Variants in FAAH2 observed in about 807,000 individuals in gnomAD.
FAAH2 encodes fatty-acid amide hydrolase 2.
A neutral mutation model predicts 36.9 loss-of-function variants in FAAH2; 60 were observed. That is an observed-to-expected ratio of 1.63 (90% CI 1.32 to 2.02). FAAH2 has a LOEUF of 2.02. Among genes scored for constraint, FAAH2 ranks in the 30% most tolerant of loss-of-function variants. The pLI, the probability that FAAH2 is intolerant of heterozygous loss-of-function variation, is 0.00. For synonymous variants in FAAH2, 214 were observed against 143.8 expected (o/e 1.49, Z -3.49); for missense variants, 689 against 397.5 (o/e 1.73, Z -6.23).
chrX:57,465,204 A>G (rs1226603017), intron 10 of FAAH2, among the ~76,000 whole-genome samples: 1 of 111,819 alleles, frequency 8.9e-6, no homozygotes, highest in African/African-American at 3.2e-5. Context: ...ATTTAATCTA[A>G]TGAACAGAGA....
chrX:57,123,150 C>T, the FAAH2 span, among the ~76,000 whole-genome samples: 2 of 111,168 alleles, frequency 1.8e-5, no homozygotes, highest in South Asian at 7.7e-4. Flanking sequence ...TATCCCTCTC[C>T]CCTACCCCCA....
intron 7 of FAAH2, among the ~76,000 whole-genome samples, chrX:57,430,098 G>T (rs1386280989): frequency 9.0e-6 from 1 of 111,432 alleles, no homozygotes; most frequent in Non-Finnish European, 1.9e-5. Flanking sequence ...ACATTATTAG[G>T]TTGATGGCTA....
chrX:57,403,335 C>T (rs913053674), intron 7 of FAAH2, among the ~76,000 whole-genome samples: 10 of 112,443 alleles, frequency 8.9e-5, no homozygotes, highest in Admixed American at 2.8e-4. Context: ...GGATTAGTTA[C>T]GCTCACTGAT....
At chrX:57,461,518 C>T (rs1239944420) in intron 10 of FAAH2, among the ~76,000 whole-genome samples, 1 of 111,615 alleles carries the variant, frequency 9.0e-6, no homozygotes, top group African/African-American at 3.3e-5. Context: ...CACACAACTA[C>T]ATGGAAACTC....
Position 57,389,956 on chromosome X carries a change from T to A in FAAH2, c.996+8927T>A, listed in dbSNP as rs1433825056. On this transcript the variant is annotated intron_variant, in intron 7 of 10. Coordinates refer to ENST00000374900, the MANE Select transcript of FAAH2 (RefSeq NM_174912.4). ...CTGATGATTAGTGTTGTTGATTTTTTTTTTTCATATACCTAGGGGCCAGTT... is the reference window on the plus strand; with the variant it reads ...CTGATGATTAGTGTTGTTGATTTTTATTTTTCATATACCTAGGGGCCAGTT... 3.6e-5 allele frequency among the ~76,000 whole-genome samples: 4 copies of A among 110,773 alleles called. No individual in the cohort carries two copies. In the East Asian group the frequency reaches 1.1e-3, roughly 31 times the overall value.
At chrX:57,171,655 A>G in the FAAH2 span, among the ~76,000 whole-genome samples, 32 of 111,328 alleles carry the variant, frequency 2.9e-4, no homozygotes, top group East Asian at 8.4e-3. Flanking sequence ...TAGATTCTGG[A>G]TATTAGTCTT....
At chrX:57,335,267 G>A (rs2053515440) in intron 4 of FAAH2, among the ~76,000 whole-genome samples, 1 of 111,043 alleles carries the variant, frequency 9.0e-6, no homozygotes, top group Non-Finnish European at 1.9e-5. Context: ...TATAGAGAAA[G>A]AAAAATAAGA....
At chrX:57,443,351 A>T (rs906000268) in intron 8 of FAAH2, among the ~76,000 whole-genome samples, 33 of 111,398 alleles carry the variant, frequency 3.0e-4, no homozygotes, top group Non-Finnish European at 5.6e-4. Context: ...GCTTCATTTC[A>T]TTCATTTCAA....
At chrX:57,332,949 C>T (rs2053447493) in intron 4 of FAAH2, among the ~76,000 whole-genome samples, 1 of 111,623 alleles carries the variant, frequency 9.0e-6, no homozygotes, top group Non-Finnish European at 1.9e-5. Flanking sequence ...CTCTAGGTTT[C>T]CTGTCCTACT....
chrX:57,440,193 G>C (rs753203960), intron 8 of FAAH2, among the ~76,000 whole-genome samples: 3 of 111,512 alleles, frequency 2.7e-5, no homozygotes, highest in Admixed American at 9.6e-5. Context: ...ACCTTGGGCA[G>C]TATGACCATT....
At chrX:57,481,660 G>T (rs1413180638) in intron 10 of FAAH2, among the ~76,000 whole-genome samples, 1 of 111,792 alleles carries the variant, frequency 8.9e-6, no homozygotes, top group Non-Finnish European at 1.9e-5. Context: ...GAGCTGTCTT[G>T]TATGAAGTGT....
At chrX:57,296,355 C>A (rs192395694) in intron 2 of FAAH2, among the ~76,000 whole-genome samples, 264 of 111,854 alleles carry the variant, frequency 2.4e-3, no homozygotes, top group Middle Eastern at 9.3e-3. Context: ...CTGCAGTGGA[C>A]CTCCAGTAAA....
chrX:57,158,505 A>G, the FAAH2 span, among the ~76,000 whole-genome samples: 1 of 111,499 alleles, frequency 9.0e-6, no homozygotes, highest in Non-Finnish European at 1.9e-5. Context: ...CCTCTCCAGC[A>G]CCTGTTGTTT....
chrX:57,353,444 A>G (rs187051268), intron 5 of FAAH2, among the ~76,000 whole-genome samples: 2 of 105,770 alleles, frequency 1.9e-5, no homozygotes, highest in East Asian at 5.8e-4. Context: ...ACAAAAATCA[A>G]CTCAAAATTA....
At chrX:57,135,892 G>A in the FAAH2 span, 7 of 1,209,734 alleles carry the variant, frequency 5.8e-6, no homozygotes, top group Admixed American at 1.5e-4. Flanking sequence ...TACACAGAGG[G>A]TTTGGTTTCC....
the FAAH2 span, among the ~76,000 whole-genome samples, chrX:57,222,604 G>A: frequency 9.0e-6 from 1 of 111,199 alleles, no homozygotes; most frequent in Non-Finnish European, 1.9e-5. Context: ...TCAAAAACAT[G>A]TTAGCTCACT....
chrX:57,348,124 C>T (rs1268357893), intron 5 of FAAH2, among the ~76,000 whole-genome samples: 2 of 110,277 alleles, frequency 1.8e-5, no homozygotes, highest in African/African-American at 6.6e-5. Context: ...AAGTGTAAGC[C>T]CACAGGTCCA....
Position 57,420,032 on chromosome X carries a change from T to A in FAAH2, c.997-11886T>A, listed in dbSNP as rs968980061. 2.7e-5 allele frequency among the ~76,000 whole-genome samples: 3 copies of A among 111,797 alleles called. No individual in the cohort carries two copies. In the Admixed American group the frequency reaches 2.9e-4, roughly 11 times the overall value. Reference sequence around the variant, plus strand: ...TTGTCAAAGATCAGATAGTTGTAGATATGTGGCATTCTTTCTGAGGGCTCT... The same window carrying A: ...TTGTCAAAGATCAGATAGTTGTAGAAATGTGGCATTCTTTCTGAGGGCTCT... On this transcript the variant is annotated intron_variant, in intron 7 of 10. Coordinates refer to ENST00000374900, the MANE Select transcript of FAAH2 (RefSeq NM_174912.4).
chrX:57,205,721 T>A, the FAAH2 span, among the ~76,000 whole-genome samples: 1 of 112,465 alleles, frequency 8.9e-6, no homozygotes, highest in Admixed American at 9.4e-5. Context: ...TAAATTTAGT[T>A]ATTTTATGGA....
Sources: allele counts gnomAD v4.1 joint callset (sites outside exome capture counted in the v4.1 genomes callset), GRCh38; gene constraint gnomAD v4.1.1; transcripts MANE v1.5; gene names NCBI Gene and HGNC (gene_info 2026-07-23, HGNC 2026-07-21).